The following COL6A5 variants were observed in gnomAD, a reference collection of about 807,000 sequenced individuals.
COL6A5 encodes the protein collagen alpha-5(VI) chain.
COL6A5 carries 48 observed loss-of-function variants against 65.6 expected under a neutral mutation model. The ratio of observed to expected loss-of-function variants is 0.73; its 90% CI spans 0.58 to 0.93. COL6A5 has a LOEUF of 0.93. Ranked by LOEUF, COL6A5 falls within the 40% of genes least tolerant of loss-of-function variation. The pLI is 0.00. For missense variants in COL6A5, 914 were observed against 928.3 expected (o/e 0.98, Z 0.20); for synonymous variants, 291 against 322.8 (o/e 0.90, Z 1.05).
chr3:130,464,702 G>T (rs1577535999), intron 5 of COL6A5, among the ~76,000 whole-genome samples: 2 of 152,202 alleles, frequency 1.3e-5, no homozygotes, highest in East Asian at 3.9e-4. Context: ...TGCACTTCTA[G>T]TTTCATGTTT....
chr3:130,404,243 A>G (rs1481119041), intron 13 of COL6A5, among the ~76,000 whole-genome samples: 1 of 152,188 alleles, frequency 6.6e-6, no homozygotes, highest in Admixed American at 6.5e-5. Context: ...CTCATCAATC[A>G]AATTGTGAGA....
intron 1 of COL6A5, among the ~76,000 whole-genome samples, chr3:130,438,407 G>T (rs1469883665): frequency 6.6e-6 from 1 of 151,496 alleles, no homozygotes; most frequent in East Asian, 1.9e-4. Flanking sequence ...GTGAATGAGT[G>T]AATGAATGAA....
At chr3:130,395,448 A>T in exon 8 of COL6A5, 1 of 1,542,462 alleles carries the variant, frequency 6.5e-7, no homozygotes, top group African/African-American at 1.4e-5. Flanking sequence ...GAAATCTGCC[A>T]GAGCTGTGGG....
intron 6 of COL6A5, among the ~76,000 whole-genome samples, chr3:130,470,502 C>T (rs1709920599): frequency 6.6e-6 from 1 of 151,554 alleles, no homozygotes; most frequent in Admixed American, 6.6e-5. Context: ...CTAATAGAGT[C>T]TTCTCCCAGA....
chr3:130,447,333 G>T (rs1709330672), intron 4 of COL6A5, among the ~76,000 whole-genome samples: 1 of 152,142 alleles, frequency 6.6e-6, no homozygotes, highest in African/African-American at 2.4e-5. Flanking sequence ...TAGCAGTTAG[G>T]CCTCTAGGAT....
chr3:130,371,900 A>G (rs1438646808), intron 1 of COL6A5, among the ~76,000 whole-genome samples: 1 of 152,178 alleles, frequency 6.6e-6, no homozygotes, highest in African/African-American at 2.4e-5. Flanking sequence ...AACACACAGA[A>G]TGGCAGGAGT....
chr3:130,350,064 T>A (rs2107610670), intron 1 of COL6A5, among the ~76,000 whole-genome samples: 1 of 152,312 alleles, frequency 6.6e-6, no homozygotes, highest in African/African-American at 2.4e-5. Context: ...TCCACATATA[T>A]CTCATTGGCT....
At chr3:130,353,365 A>G (rs1415305956) in intron 1 of COL6A5, among the ~76,000 whole-genome samples, 1 of 152,200 alleles carries the variant, frequency 6.6e-6, no homozygotes. Flanking sequence ...GGAAAGAAGC[A>G]TTTGTTACGT....
chr3:130,471,277 A>G (rs1271577338), intron 7 of COL6A5, among the ~76,000 whole-genome samples: 1 of 152,092 alleles, frequency 6.6e-6, no homozygotes. Flanking sequence ...TACTGCCAAA[A>G]CAGAAAACTT....
rs561374559 is a variant in COL6A5, at chr3:130,446,491, T to C, written c.1332+2925T>C. 8.5e-4 allele frequency among the ~76,000 whole-genome samples: 129 copies of C among 152,202 alleles called. 1 individual carries two copies. Among genetic ancestry groups the C allele is most frequent in the African/African-American group, 2.8e-3 (116 of 41,532 alleles). On this transcript the variant is annotated intron_variant, in intron 4 of 7. Transcript: ENST00000512836. ...AGGCTAATAGAAATGGTGAGATTTT[T>C]AGGTTTGTAAGAAGAAAAAGAAAGG...
At chr3:130,351,952 A>G (rs1287427165) in intron 1 of COL6A5, among the ~76,000 whole-genome samples, 1 of 152,226 alleles carries the variant, frequency 6.6e-6, no homozygotes, top group Non-Finnish European at 1.5e-5. Context: ...TGTGGCACAT[A>G]TACACCATGG....
At chr3:130,413,661 A>G in intron 21 of COL6A5, 81 bp downstream of exon 21, 3 of 1,406,518 alleles carry the variant, frequency 2.1e-6, no homozygotes, top group Non-Finnish European at 3.0e-6. Flanking sequence ...TGGGAATCAT[A>G]TCAATGAGCA....
chr3:130,388,837 A>T, exon 6 of COL6A5: 4 of 1,551,386 alleles, frequency 2.6e-6, no homozygotes, highest in Non-Finnish European at 3.5e-6. Flanking sequence ...AGGCACTTTA[A>T]CTGGAAAGGC....
intron 6 of COL6A5, 84 bp from the exon 39 acceptor site, chr3:130,470,787 C>T (rs894237817): frequency 1.0e-6 from 1 of 963,838 alleles, no homozygotes; most frequent in Non-Finnish European, 1.6e-6. Context: ...ACACTGCCAA[C>T]CACGTGAAAA....
At chr3:130,406,390 T>C in intron 17 of COL6A5, 69 bp downstream of exon 17, 2 of 1,227,424 alleles carry the variant, frequency 1.6e-6, no homozygotes, top group Non-Finnish European at 1.2e-6. Flanking sequence ...AACTGCTGTG[T>C]GTCAGTGGTT....
rs113979277 is a variant in COL6A5 at position 130,452,046 on chromosome 3, A to G, written c.1333-3409A>G. ...AGGACAGTGTTCTTCTACTGCCCTG[A>G]ATAGAGTGACCGTATTTTCCATAGG... On this transcript the variant is annotated intron_variant, in intron 4 of 7. Transcript: ENST00000512836. Among the ~76,000 whole-genome samples the G allele has an allele frequency of 5.1e-3, 773 of 152,290 alleles. 10 individuals carry two copies. Among genetic ancestry groups the G allele is most frequent in the African/African-American group, 0.017 (702 of 41,570 alleles).
chr3:130,424,033 C>T, intron 29 of COL6A5, 133 bp downstream of exon 29: 1 of 576,234 alleles, frequency 1.7e-6, no homozygotes, highest in South Asian at 2.8e-5. Context: ...ATGACCCAGT[C>T]ACTGGGTCTT....
At chr3:130,377,603 C>A (rs534174052) in intron 3 of COL6A5, among the ~76,000 whole-genome samples, 1 of 152,224 alleles carries the variant, frequency 6.6e-6, no homozygotes, top group Admixed American at 6.5e-5. Flanking sequence ...AGCCCTGCAT[C>A]TGCTGTGTTG....
chr3:130,416,070 GA>G (rs1283521635), intron 23 of COL6A5, among the ~76,000 whole-genome samples: 2 of 152,042 alleles, frequency 1.3e-5, no homozygotes, highest in Admixed American at 6.6e-5. Flanking sequence ...ATTCACTATA[GA>G]TATTTAAAAT....
Sources: gnomAD v4.1 joint callset for allele counts (sites outside exome capture counted in the v4.1 genomes callset) on GRCh38, gnomAD v4.1.1 for gene constraint, MANE v1.5 for transcripts, NCBI Gene and HGNC (gene_info 2026-07-23, HGNC 2026-07-21) for gene names.